THSD7A: variants seen among roughly 807,000 people sequenced by gnomAD.
The protein encoded by THSD7A is thrombospondin type 1 domain containing 7A, also known as thrombospondin type-1 domain-containing protein 7A.
Under a neutral mutation model 231.3 loss-of-function variants are expected in THSD7A, and 96 were observed. That is an observed-to-expected ratio of 0.41 (90% CI 0.35 to 0.49). The LOEUF (loss-of-function observed/expected upper bound fraction) is 0.49. Ranked by LOEUF, THSD7A falls within the 20% of genes least tolerant of loss-of-function variation. The pLI is 0.05. For missense variants in THSD7A, 2,290 were observed against 2,070.2 expected (o/e 1.11, Z -2.06); for synonymous variants, 940 against 743.3 (o/e 1.26, Z -4.30).
At chr7:11,469,067 C>T (rs1785827958) in intron 9 of THSD7A, among the ~76,000 whole-genome samples, 1 of 151,932 alleles carries the variant, frequency 6.6e-6, no homozygotes, top group Non-Finnish European at 1.5e-5. Flanking sequence ...TAGAAGTTGA[C>T]TCTTAATTGA....
At chr7:11,780,685 G>A (rs1783594762) in intron 1 of THSD7A, among the ~76,000 whole-genome samples, 1 of 152,034 alleles carries the variant, frequency 6.6e-6, no homozygotes, top group Admixed American at 6.6e-5. Flanking sequence ...CCATATTCCT[G>A]ACCCACAGAA....
Position 11,632,511 on chromosome 7 carries a change from G to A in THSD7A, c.1022+3619C>T, listed in dbSNP as rs969462640. 6.7e-4 allele frequency among the ~76,000 whole-genome samples: 102 copies of A among 152,038 alleles called. No individual in the cohort carries two copies. The highest frequency in any genetic ancestry group is 2.2e-3 in the African/African-American group (93 of 41,472). ...TTAGCTGGAGTATTCCAGAATTATCGTAACATCTGAGGGAAAAGGTCTTAT... is the reference window on the plus strand; with the variant it reads ...TTAGCTGGAGTATTCCAGAATTATCATAACATCTGAGGGAAAAGGTCTTAT... On this transcript the variant is annotated intron_variant, in intron 2 of 27. Transcript: ENST00000423059. This position sits in a 1 kb window ranked among gnomAD's most constrained non-coding sequence, Gnocchi z 4.1.
At position 11,556,900 on chromosome 7, in the gene THSD7A, G is replaced by A. The variant is rs118137053; in HGVS notation, c.1454-13783C>T. Among the ~76,000 whole-genome samples, 286 of 151,816 alleles carry A rather than the reference G, an allele frequency of 1.9e-3. 9 individuals are homozygous for A. The East Asian group carries it at 0.047, about 25-fold the overall frequency. ...ATGCTTTCAAATACTTTTATCTTTC[G>A]TTTTCAGATTTTTATTATAATATGT... On this transcript the variant is annotated intron_variant, in intron 4 of 27. Coordinates refer to ENST00000423059, the MANE Select transcript of THSD7A (RefSeq NM_015204.3).
intron 1 of THSD7A, among the ~76,000 whole-genome samples, chr7:11,780,064 C>T (rs577424589): frequency 2.0e-5 from 3 of 152,294 alleles, no homozygotes; most frequent in African/African-American, 7.2e-5. Context: ...AAGGAGACTG[C>T]AGATCTGATG....
At position 11,637,284 on chromosome 7, in the gene THSD7A, A is replaced by G. The variant is rs1343547071; in HGVS notation, c.191-323T>C. On this transcript the variant is annotated intron_variant, in intron 1 of 27. Transcript: ENST00000423059. The surrounding 1 kb of genome is among the most constrained non-coding windows in gnomAD (Gnocchi z 4.2). ...TTGCTGATAAAGGACATCAGAAATTAGTCACAGTGAAAACTCATTACTCCG... is the reference window on the plus strand; with the variant it reads ...TTGCTGATAAAGGACATCAGAAATTGGTCACAGTGAAAACTCATTACTCCG... 6.6e-6 allele frequency among the ~76,000 whole-genome samples: 1 copy of G among 152,196 alleles called. No homozygotes were observed. Among genetic ancestry groups the G allele is most frequent in the African/African-American group, 2.4e-5 (1 of 41,456 alleles).
In THSD7A at chr7:11,632,011, A is replaced by C. The variant is rs1419991257; in HGVS notation, c.1022+4119T>G. ...ACTTAATTGGTAAACAGTTCCTTACATTGATATAAAATTTCTGTAAATGAT... is the reference window on the plus strand; with the variant it reads ...ACTTAATTGGTAAACAGTTCCTTACCTTGATATAAAATTTCTGTAAATGAT... On this transcript the variant is annotated intron_variant, in intron 2 of 27. Coordinates refer to ENST00000423059, the MANE Select transcript of THSD7A (RefSeq NM_015204.3). The surrounding 1 kb of genome is among the most constrained non-coding windows in gnomAD (Gnocchi z 4.1). 6.6e-6 allele frequency among the ~76,000 whole-genome samples: 1 copy of C among 152,146 alleles called. No homozygotes were observed. The highest frequency in any genetic ancestry group is 1.5e-5 in the Non-Finnish European group (1 of 68,020).
chr7:11,711,969 T>C (rs1780980036), intron 1 of THSD7A, among the ~76,000 whole-genome samples: 1 of 151,062 alleles, frequency 6.6e-6, no homozygotes, highest in Non-Finnish European at 1.5e-5. Flanking sequence ...TATCGTCCTC[T>C]AGGTGGTACA....
At chr7:11,645,749 A>C (rs56255942) in intron 1 of THSD7A, among the ~76,000 whole-genome samples, 2,515 of 151,876 alleles carry the variant, frequency 0.017, 40 homozygotes, top group Non-Finnish European at 0.022. Context: ...GTGTGTTTTC[A>C]CCTATATGAT....
chr7:11,699,733 C>T (rs1467226675), intron 1 of THSD7A, among the ~76,000 whole-genome samples: 1 of 151,244 alleles, frequency 6.6e-6, no homozygotes, highest in East Asian at 2.0e-4. Flanking sequence ...AATAGCAGCA[C>T]TTCTCCAGGG....
chr7:11,471,363 G>C (rs1345272486), intron 8 of THSD7A, among the ~76,000 whole-genome samples: 1 of 151,940 alleles, frequency 6.6e-6, no homozygotes, highest in African/African-American at 2.4e-5. Context: ...TTTGTCTTTT[G>C]TCAAGTAAGT....
At position 11,371,133 on chromosome 7, in the gene THSD7A, A is replaced by C. The variant is rs988801698; in HGVS notation, c.*4661T>G. 2 of 152,248 alleles carry C rather than the reference A, an allele frequency of 1.3e-5. No homozygotes were observed. The highest frequency in any genetic ancestry group is 2.4e-5 in the African/African-American group (1 of 41,470). The allele number at this position is 152,248 out of a possible 1,614,324, so 9.4% of individuals were successfully genotyped here. ...GACTTGGTAGAAACACAGAAAAATA[A>C]AAATGCAAAATTAACTGTTTAGCAT... On this transcript the variant is annotated 3_prime_UTR_variant, in exon 28 of 28. Coordinates refer to ENST00000423059, the MANE Select transcript of THSD7A (RefSeq NM_015204.3).
At chr7:11,560,780 C>T (rs62434475) in intron 4 of THSD7A, among the ~76,000 whole-genome samples, 2 of 146,588 alleles carry the variant, frequency 1.4e-5, no homozygotes, top group Non-Finnish European at 3.0e-5. Flanking sequence ...TGCTCAACTA[C>T]GGGTGTGTTC....
chr7:11,379,426 C>T, intron 25 of THSD7A, 146 bp from the exon 26 acceptor site: 1 of 903,138 alleles, frequency 1.1e-6, no homozygotes, highest in Non-Finnish European at 1.7e-6. Flanking sequence ...TACAAAGAAA[C>T]ATACTTTTGG....
intron 1 of THSD7A, among the ~76,000 whole-genome samples, chr7:11,685,669 A>G (rs933035595): frequency 6.6e-6 from 1 of 152,000 alleles, no homozygotes. Context: ...AACCACAATG[A>G]TATACCATCT....
intron 4 of THSD7A, among the ~76,000 whole-genome samples, chr7:11,554,255 T>C (rs10235604): frequency 0.062 from 9,463 of 151,970 alleles, 1,018 homozygotes; most frequent in African/African-American, 0.21. Flanking sequence ...GAGCCCTAAA[T>C]CCAATGGGTG....
intron 6 of THSD7A, among the ~76,000 whole-genome samples, chr7:11,530,570 T>A (rs1021087543): frequency 6.6e-6 from 1 of 152,076 alleles, no homozygotes; most frequent in Non-Finnish European, 1.5e-5. Flanking sequence ...AAACTGTAAA[T>A]GATTATATTC....
chr7:11,527,689 A>AT (rs1299220239), intron 6 of THSD7A, among the ~76,000 whole-genome samples: 1 of 152,184 alleles, frequency 6.6e-6, no homozygotes, highest in East Asian at 1.9e-4. Flanking sequence ...TGTAGAATAA[A>AT]TAGTTGGTTA....
At chr7:11,791,920 T>A (rs1783962731) in intron 1 of THSD7A, among the ~76,000 whole-genome samples, 1 of 151,946 alleles carries the variant, frequency 6.6e-6, no homozygotes, top group Non-Finnish European at 1.5e-5. Context: ...AGGGGCTTTT[T>A]TACTAATTTG....
In THSD7A at chr7:11,379,193, C is replaced by A. The variant is rs1489538719; in HGVS notation, c.4678G>T (p.Val1560Leu). Reference sequence around the variant, plus strand: ...CTTTTGTCCTCCATGGTGGGTAATACCACCACGGGGATAAGTGTGCATTGC... The same window carrying A: ...CTTTTGTCCTCCATGGTGGGTAATAACACCACGGGGATAAGTGTGCATTGC... ...LEQCTLIPVV[V>L]LPTMEDKRGD... The change falls in exon 26 of 28, where the codon GTA becomes TTA. Residue 1560 changes from valine (V) to leucine (L), a missense_variant. Val to Leu is a conservative substitution (Grantham distance 32). Transcript: ENST00000423059. 6.2e-7 allele frequency: 1 copy of A among 1,613,630 alleles called. No homozygotes were observed.
Sources: gnomAD v4.1 joint callset for allele counts (sites outside exome capture counted in the v4.1 genomes callset) on GRCh38, gnomAD v4.1.1 for gene constraint, Gnocchi (gnomAD v3.1) non-coding constraint, MANE v1.5 for transcripts, NCBI Gene and HGNC (gene_info 2026-07-23, HGNC 2026-07-21) for gene names.